CEP135: variants seen among roughly 807,000 people sequenced by gnomAD.
The protein encoded by CEP135 is centrosomal protein of 135 kDa.
A neutral mutation model predicts 157.3 loss-of-function variants in CEP135; 142 were observed. That is an observed-to-expected ratio of 0.90 (90% confidence interval 0.79 to 1.04). The LOEUF (loss-of-function observed/expected upper bound fraction) is 1.04, where lower values mean the gene tolerates loss of function less well. CEP135 is among the 50% of genes least tolerant of loss of function. The pLI is 0.00. For missense variants in CEP135, 1,317 were observed against 1,309.2 expected (o/e 1.01, Z -0.09); for synonymous variants, 396 against 439.8 (o/e 0.90, Z 1.25).
intron 4 of CEP135, among the ~76,000 whole-genome samples, chr4:55,955,303 A>C (rs188416720): frequency 2.0e-5 from 3 of 152,312 alleles, no homozygotes; most frequent in African/African-American, 4.8e-5. Flanking sequence ...TTTGTTTGCT[A>C]TGAAGATTGC....
Position 56,011,929 on chromosome 4 carries a change from A to G in CEP135, c.2746A>G (p.Thr916Ala). 1 of 1,596,628 alleles carries G rather than the reference A, an allele frequency of 6.3e-7. No individual in the cohort carries two copies. Among genetic ancestry groups the G allele is most frequent in the Non-Finnish European group, 8.5e-7 (1 of 1,172,134 alleles). ...SVRLELLSID[T>A]ERRHLRERVE... ...TCGACTGGAACTTCTTTCTATTGAC[A>G]CTGAGAGGAGACATCTTCGAGAAAG... Residue 916 changes from threonine to alanine, a missense_variant, in exon 21 of 26, where the codon ACT becomes GCT. Transcript: ENST00000257287.
intron 6 of CEP135, among the ~76,000 whole-genome samples, chr4:55,963,852 G>A (rs1422216949): frequency 6.6e-6 from 1 of 152,132 alleles, no homozygotes; most frequent in Non-Finnish European, 1.5e-5. Flanking sequence ...TTTTAATATT[G>A]AGGTTCAGTA....
In CEP135 at chr4:56,019,570, T is replaced by C. The variant is rs200214522; in HGVS notation, c.3215+15T>C. 1,175 of 1,588,194 alleles carry C rather than the reference T, an allele frequency of 7.4e-4. 6 individuals carry two copies. Among genetic ancestry groups the C allele is most frequent in the Middle Eastern group, 6.7e-4 (4 of 5,926 alleles). On this transcript the variant is annotated intron_variant, in intron 23 of 25. Transcript: ENST00000257287. Reference sequence around the variant, plus strand: ...GAAAGCAAATTGTAAGTGTCTTAAGTCAACTTATGCAAAGACAATTGCTTG... The same window carrying C: ...GAAAGCAAATTGTAAGTGTCTTAAGCCAACTTATGCAAAGACAATTGCTTG...
At chr4:55,990,588 T>G (rs1333825107) in intron 14 of CEP135, among the ~76,000 whole-genome samples, 2 of 151,894 alleles carry the variant, frequency 1.3e-5, no homozygotes, top group Non-Finnish European at 1.5e-5. Flanking sequence ...CTCCAACTCC[T>G]GGGCTCAAGC....
In CEP135 at chr4:56,017,802, C is replaced by T. The variant is rs763880071; in HGVS notation, c.2957C>T (p.Ser986Leu). The stretch of plus-strand genomic sequence containing the variant: ...AGAGAACTTTGCATTAAACTTGATT[C>T]AGGCAAAGATATTATGACCCAGCAA... Reference protein sequence around the residue: ...SLRELCIKLDSGKDIMTQQLN... With the variant: ...SLRELCIKLDLGKDIMTQQLN... Residue 986 changes from serine to leucine, a missense_variant, in exon 22 of 26, where the codon TCA becomes TTA. By Grantham distance (145) the Ser-to-Leu change is moderately radical. Transcript: ENST00000257287. 6.2e-7 allele frequency: 1 copy of T among 1,613,654 alleles called. No homozygotes were observed.
At chr4:55,960,249 T>G (rs1206037437) in intron 6 of CEP135, 1 of 158,062 alleles carries the variant, frequency 6.3e-6, no homozygotes, top group African/African-American at 2.4e-5. Context: ...ATATATTTTG[T>G]CATATTGAAC....
chr4:55,985,342 C>A lies in CEP135; in HGVS notation c.1841C>A (p.Thr614Lys). ...SELEKTIEHL[T>K]CVNHQLESEK... ...TTAGAGAAAACTATTGAACATTTGA[C>A]ATGTGTTAATCATCAGGTAATGTAT... Residue 614 changes from threonine to lysine, a missense_variant, in exon 14 of 26, where the codon ACA becomes AAA. Physicochemically the swap from Thr to Lys is moderately conservative, Grantham distance 78. Transcript: ENST00000257287. 6.3e-7 allele frequency: 1 copy of A among 1,588,786 alleles called. No individual in the cohort carries two copies. Among genetic ancestry groups the A allele is most frequent in the African/African-American group, 1.3e-5 (1 of 74,564 alleles).
At chr4:56,005,789 G>A (rs1373548824) in intron 17 of CEP135, among the ~76,000 whole-genome samples, 1 of 152,080 alleles carries the variant, frequency 6.6e-6, no homozygotes, top group African/African-American at 2.4e-5. Context: ...TGTTCGTGGT[G>A]AATTCTCTTA....
At chr4:55,952,805 G>A (rs1001264121) in intron 2 of CEP135, among the ~76,000 whole-genome samples, 49 of 152,274 alleles carry the variant, frequency 3.2e-4, no homozygotes, top group African/African-American at 1.1e-3. Flanking sequence ...TGTTAACACA[G>A]TGGTGCCTAT....
chr4:56,028,635 A>G lies in CEP135; in HGVS notation c.*12-2725A>G, dbSNP rs546534147. 3.3e-5 allele frequency among the ~76,000 whole-genome samples: 5 copies of G among 152,318 alleles called. No individual in the cohort carries two copies. The South Asian group carries it at 8.3e-4, about 25-fold the overall frequency. On this transcript the variant is annotated intron_variant, in intron 25 of 25. Coordinates refer to ENST00000257287, the MANE Select transcript of CEP135 (RefSeq NM_025009.5). ...GAAAAAAAAAAAAATGAATTGCTCA[A>G]CTATAAAATGGCATCTCAGATTAGT...
In CEP135 at chr4:56,003,780, G is replaced by A. The variant is rs112616186; in HGVS notation, c.2280+4135G>A. On this transcript the variant is annotated intron_variant, in intron 17 of 25. Transcript: ENST00000257287. ...GTATTGCCCAGGCTGAAGTGCAGTA[G>A]CAAGATCATGGCTCATTGCAGCCTT... Among the ~76,000 whole-genome samples the A allele has an allele frequency of 7.6e-3, 1,156 of 151,840 alleles. 15 individuals carry two copies. Among genetic ancestry groups the A allele is most frequent in the African/African-American group, 0.026 (1,096 of 41,404 alleles).
In CEP135 at chr4:56,030,477, C is replaced by T. The variant is rs192565489; in HGVS notation, c.*12-883C>T. Among the ~76,000 whole-genome samples, 603 of 152,216 alleles carry T rather than the reference C, an allele frequency of 4.0e-3. 1 individual carries two copies. The highest frequency in any genetic ancestry group is 5.3e-3 in the African/African-American group (221 of 41,520). Reference sequence around the variant, plus strand: ...GTTTTGTTTTAGAGACAAGGTCTCGCGGTCTCGCTCTGTTGCCCAGACTGG... The same window carrying T: ...GTTTTGTTTTAGAGACAAGGTCTCGTGGTCTCGCTCTGTTGCCCAGACTGG... On this transcript the variant is annotated intron_variant, in intron 25 of 25. Coordinates refer to ENST00000257287, the MANE Select transcript of CEP135 (RefSeq NM_025009.5).
intron 21 of CEP135, 53 bp from the exon 22 acceptor site, chr4:56,017,595 T>A: frequency 6.9e-7 from 1 of 1,451,970 alleles, no homozygotes; most frequent in Non-Finnish European, 9.2e-7. Context: ...ATTCAAGTTC[T>A]TAAAATTATT....
Position 56,008,148 on chromosome 4 carries a change from A to G in CEP135, c.2281-179A>G, listed in dbSNP as rs139347096. Among the ~76,000 whole-genome samples the G allele has an allele frequency of 2.7e-3, 406 of 152,368 alleles. 2 individuals carry two copies. The highest frequency in any genetic ancestry group is 9.2e-3 in the African/African-American group (382 of 41,590). On this transcript the variant is annotated intron_variant, in intron 17 of 25. Transcript: ENST00000257287. Reference sequence around the variant, plus strand: ...AAGAAAACTATTCAAGGGTTGGTCAAAACATGCCAGTATGTGAAGTATGAT... The same window carrying G: ...AAGAAAACTATTCAAGGGTTGGTCAGAACATGCCAGTATGTGAAGTATGAT...
intron 25 of CEP135, 123 bp downstream of exon 25, chr4:56,024,737 A>G (rs747526726): frequency 1.5e-5 from 10 of 663,266 alleles, no homozygotes; most frequent in Non-Finnish European, 2.7e-5. Flanking sequence ...TTCCTGGAGT[A>G]ATGGAAAAGT....
intron 11 of CEP135, among the ~76,000 whole-genome samples, chr4:55,975,323 A>G (rs971096070): frequency 6.6e-5 from 10 of 152,204 alleles, no homozygotes; most frequent in African/African-American, 2.4e-4. Context: ...GTGGCTTTGT[A>G]TGCATGGCAG....
At chr4:55,998,873 A>C (rs2109712615) in intron 15 of CEP135, among the ~76,000 whole-genome samples, 1 of 152,092 alleles carries the variant, frequency 6.6e-6, no homozygotes, top group Non-Finnish European at 1.5e-5. Flanking sequence ...TCAAACAAAC[A>C]AAAAAAAGAG....
At chr4:56,011,318 T>G in intron 19 of CEP135, 94 bp from the exon 20 acceptor site, 9 of 853,436 alleles carry the variant, frequency 1.1e-5, no homozygotes, top group Admixed American at 2.8e-5. Context: ...CTACTCTATC[T>G]TATTCTCCAA....
chr4:56,019,887 C>T (rs1408450440), intron 23 of CEP135, among the ~76,000 whole-genome samples: 2 of 152,094 alleles, frequency 1.3e-5, no homozygotes, highest in East Asian at 3.9e-4. Flanking sequence ...TGCAGTGAGC[C>T]GAGATTGCAC....
Sources: allele counts gnomAD v4.1 joint callset (sites outside exome capture counted in the v4.1 genomes callset), GRCh38; gene constraint gnomAD v4.1.1; transcripts MANE v1.5; gene names NCBI Gene and HGNC (gene_info 2026-07-23, HGNC 2026-07-21).